Variants in NLRP14 observed in about 807,000 individuals in gnomAD.
The protein encoded by NLRP14 is NACHT, LRR and PYD domains-containing protein 14.
In NLRP14, 105 loss-of-function variants were observed where a neutral mutation model predicts 94.7. That is an observed-to-expected ratio of 1.11 (90% CI 0.95 to 1.30). NLRP14 has a LOEUF of 1.30. Among genes scored for constraint, NLRP14 ranks in the 50% most tolerant of loss-of-function variants. NLRP14 has a pLI of 0.00. For missense variants in NLRP14, 1,362 were observed against 1,254.1 expected (o/e 1.09, Z -1.30); for synonymous variants, 508 against 459.9 (o/e 1.10, Z -1.34).
intron 7 of NLRP14, 26 bp downstream of exon 7, chr11:7,057,873 T>C (rs1852541865): frequency 2.5e-6 from 4 of 1,597,598 alleles, no homozygotes; most frequent in East Asian, 4.5e-5. Flanking sequence ...TTGTTTTCTG[T>C]AGAGTCATTT....
chr11:7,076,737 G>A, the NLRP14 span, among the ~76,000 whole-genome samples: 4 of 150,472 alleles, frequency 2.7e-5, no homozygotes, highest in Admixed American at 1.3e-4. Flanking sequence ...ATTTCCCATC[G>A]CTTGTCTCCC....
At chr11:7,041,873 G>C (rs954651519) in intron 3 of NLRP14, among the ~76,000 whole-genome samples, 2 of 151,952 alleles carry the variant, frequency 1.3e-5, no homozygotes, top group Non-Finnish European at 2.9e-5. Context: ...TTTCACTCAG[G>C]ATGTTTTTCT....
chr11:7,063,603 T>C (rs1423099897), intron 10 of NLRP14, among the ~76,000 whole-genome samples: 1 of 151,996 alleles, frequency 6.6e-6, no homozygotes, highest in African/African-American at 2.4e-5. Flanking sequence ...CCCCAAAATA[T>C]CTACCCCTTG....
intron 4 of NLRP14, among the ~76,000 whole-genome samples, chr11:7,045,973 G>A (rs1015170268): frequency 6.6e-6 from 1 of 151,990 alleles, no homozygotes; most frequent in African/African-American, 2.4e-5. Context: ...TGTTGAATTG[G>A]GACTCAGAGC....
In NLRP14 at chr11:7,026,346, G is replaced by T. The variant is rs562247045; in HGVS notation, c.-22+5576G>T. On this transcript the variant is annotated intron_variant, in intron 1 of 11. Transcript: ENST00000299481. ...TAACCCCATCAAAAAGTGGGCAAAGGATATGAACAGACACTCCTCAAAAGA... is the reference window on the plus strand; with the variant it reads ...TAACCCCATCAAAAAGTGGGCAAAGTATATGAACAGACACTCCTCAAAAGA... 2.0e-5 allele frequency among the ~76,000 whole-genome samples: 3 copies of T among 152,228 alleles called. No homozygotes were observed. In the South Asian group the frequency reaches 6.2e-4, roughly 32 times the overall value.
At chr11:7,054,185 A>G (rs1852485428) in intron 6 of NLRP14, among the ~76,000 whole-genome samples, 1 of 152,046 alleles carries the variant, frequency 6.6e-6, no homozygotes, top group Non-Finnish European at 1.5e-5. Context: ...TATGTACCAC[A>G]TTTTCTTTAT....
the NLRP14 span, among the ~76,000 whole-genome samples, chr11:7,086,093 A>G: frequency 6.6e-6 from 1 of 152,200 alleles, no homozygotes; most frequent in East Asian, 1.9e-4. Context: ...TGGTAATTCT[A>G]TTCCTAATTT....
intron 1 of NLRP14, among the ~76,000 whole-genome samples, chr11:7,031,607 G>A (rs577936055): frequency 6.6e-6 from 1 of 152,136 alleles, no homozygotes; most frequent in Admixed American, 6.5e-5. Flanking sequence ...GATTAAAGCG[G>A]TATGAATAGC....
chr11:7,062,280 C>A, intron 9 of NLRP14, 53 bp from the exon 10 acceptor site: 2 of 1,497,862 alleles, frequency 1.3e-6, no homozygotes, highest in Non-Finnish European at 9.3e-7. Flanking sequence ...TAGGAAGAAA[C>A]TTATTTAACC....
the NLRP14 span, among the ~76,000 whole-genome samples, chr11:7,088,346 G>C: frequency 3.3e-5 from 5 of 152,054 alleles, no homozygotes; most frequent in Admixed American, 6.5e-5. Context: ...CTTAGGAACT[G>C]AACAACAATG....
At chr11:7,085,076 G>A in the NLRP14 span, among the ~76,000 whole-genome samples, 1 of 152,130 alleles carries the variant, frequency 6.6e-6, no homozygotes, top group African/African-American at 2.4e-5. Flanking sequence ...CAGTTTGGTA[G>A]CATTAAGTAT....
chr11:7,064,703 T>C (rs909689683), intron 10 of NLRP14, among the ~76,000 whole-genome samples: 4 of 152,304 alleles, frequency 2.6e-5, no homozygotes, highest in Admixed American at 2.0e-4. Flanking sequence ...TTATACATTA[T>C]ATACCAATTC....
chr11:7,073,502 G>A (rs1852831912), downstream of NLRP14, among the ~76,000 whole-genome samples: 1 of 152,076 alleles, frequency 6.6e-6, no homozygotes, highest in South Asian at 2.1e-4. Context: ...CATCCTGGAG[G>A]TAGCATTGTA....
At chr11:7,040,568 A>G (rs1852233311) in intron 3 of NLRP14, among the ~76,000 whole-genome samples, 1 of 152,140 alleles carries the variant, frequency 6.6e-6, no homozygotes, top group Admixed American at 6.6e-5. Context: ...ATTTCAGACC[A>G]CTGGTTTATT....
chr11:7,076,960 C>T, the NLRP14 span, among the ~76,000 whole-genome samples: 2 of 152,152 alleles, frequency 1.3e-5, no homozygotes, highest in African/African-American at 2.4e-5. Context: ...TCCAACTTCC[C>T]AGCAACTCGG....
At chr11:7,080,340 T>G in the NLRP14 span, among the ~76,000 whole-genome samples, 1 of 152,218 alleles carries the variant, frequency 6.6e-6, no homozygotes, top group Admixed American at 6.5e-5. Context: ...CTATCTATCC[T>G]TGATTACTAC....
In NLRP14 at chr11:7,030,093, T is replaced by C. The variant is rs189850409; in HGVS notation, c.-21-8473T>C. Among the ~76,000 whole-genome samples the C allele has an allele frequency of 3.8e-3, 576 of 152,306 alleles. 9 individuals are homozygous for C. The highest frequency in any genetic ancestry group is 0.021 in the Admixed American group (326 of 15,284). ...TATGAATATGAAAACTTGTTCCAAA[T>C]GGGTAATCCTTAGAAAAAGGAAGCC... is the stretch of plus-strand genomic sequence containing the variant. On this transcript the variant is annotated intron_variant, in intron 1 of 11. Transcript: ENST00000299481.
At position 7,071,166 on chromosome 11, in the gene NLRP14, T is replaced by G; in HGVS notation, c.3147-7T>G. On this transcript the variant is annotated splice_polypyrimidine_tract_variant and splice_region_variant and intron_variant, in intron 11 of 11. Transcript: ENST00000299481. ...GCAGGAAAAGAGATGTTCCCTTGTT[T>G]TCTCAGGTTGTGCAAAGAGGCATTT... The G allele has an allele frequency of 6.2e-7, 1 of 1,613,992 alleles. No homozygotes were observed. The highest frequency in any genetic ancestry group is 1.1e-5 in the South Asian group (1 of 91,072).
chr11:7,044,396 T>C (rs2119626164), intron 4 of NLRP14, among the ~76,000 whole-genome samples: 1 of 152,316 alleles, frequency 6.6e-6, no homozygotes, highest in Middle Eastern at 3.4e-3. Flanking sequence ...AATTTTCTGC[T>C]GAACCTGGTA....
Sources: gnomAD v4.1 joint callset for allele counts (sites outside exome capture counted in the v4.1 genomes callset) on GRCh38, gnomAD v4.1.1 for gene constraint, MANE v1.5 for transcripts, NCBI Gene and HGNC (gene_info 2026-07-23, HGNC 2026-07-21) for gene names.